Variants in MARCHF3 observed in about 807,000 individuals in gnomAD.
MARCHF3 encodes the protein membrane associated ring-CH-type finger 3.
Under a neutral mutation model 24.2 loss-of-function variants are expected in MARCHF3, and 13 were observed. The ratio of observed to expected loss-of-function variants is 0.54; its 90% CI spans 0.35 to 0.85. The LOEUF is 0.85. MARCHF3 is among the 40% of genes least tolerant of loss of function. The pLI is 0.01. For synonymous variants in MARCHF3, 144 were observed against 137.3 expected (o/e 1.05, Z -0.34); for missense variants, 276 against 325.0 (o/e 0.85, Z 1.16).
intron 3 of MARCHF3, among the ~76,000 whole-genome samples, chr5:126,912,720 T>C (rs1754581131): frequency 6.6e-6 from 1 of 152,264 alleles, no homozygotes; most frequent in Non-Finnish European, 1.5e-5. Context: ...GGTTCTCATT[T>C]GTCCTCCAGC....
At position 126,869,595 on chromosome 5, in the gene MARCHF3, T is replaced by G. The variant is rs951149277; in HGVS notation, c.*1038A>C. 6.9e-6 allele frequency: 1 copy of G among 145,858 alleles called. No individual in the cohort carries two copies. Among genetic ancestry groups the G allele is most frequent in the African/African-American group, 2.6e-5 (1 of 39,180 alleles). 9.0% of individuals were successfully genotyped at this position (145,858 alleles called of 1,614,324 possible). ...TGCTAGGACAGGCTTTTTTTTTTTT[T>G]TTTTTTTTTGCCACATCTACCTGTC... On this transcript the variant is annotated 3_prime_UTR_variant, in exon 5 of 5. Coordinates refer to ENST00000308660, the MANE Select transcript of MARCHF3 (RefSeq NM_178450.5).
chr5:126,986,176 G>C (rs142413761), intron 1 of MARCHF3, among the ~76,000 whole-genome samples: 2 of 152,194 alleles, frequency 1.3e-5, no homozygotes, highest in Non-Finnish European at 2.9e-5. Context: ...TCTTGAAACC[G>C]TAAGGAAAAT....
intron 3 of MARCHF3, among the ~76,000 whole-genome samples, chr5:126,898,636 C>G (rs73335467): frequency 6.0e-4 from 92 of 152,132 alleles, no homozygotes; most frequent in African/African-American, 2.1e-3. Flanking sequence ...TGCATATTTT[C>G]CCTTCATCTC....
intron 1 of MARCHF3, among the ~76,000 whole-genome samples, chr5:127,001,104 G>A (rs915503614): frequency 6.6e-6 from 1 of 151,848 alleles, no homozygotes; most frequent in African/African-American, 2.4e-5. Context: ...CGGGCATGCT[G>A]ACGCACGCCT....
intron 1 of MARCHF3, among the ~76,000 whole-genome samples, chr5:126,999,854 T>A (rs572146738): frequency 5.3e-5 from 8 of 152,230 alleles, no homozygotes; most frequent in South Asian, 2.1e-4. Context: ...AGCTACCCCA[T>A]TGAATCCATA....
In MARCHF3 at chr5:126,869,776, T is replaced by C. The variant is rs1332575306; in HGVS notation, c.*857A>G. 2 of 152,432 alleles carry C rather than the reference T, an allele frequency of 1.3e-5. No homozygotes were observed. The highest frequency in any genetic ancestry group is 2.9e-5 in the Non-Finnish European group (2 of 68,002). The allele number at this position is 152,432 out of a possible 1,614,324, so 9.4% of individuals were successfully genotyped here. On this transcript the variant is annotated 3_prime_UTR_variant, in exon 5 of 5. Coordinates refer to ENST00000308660, the MANE Select transcript of MARCHF3 (RefSeq NM_178450.5). Reference sequence around the variant, plus strand: ...GAGTGAGAACAGCAACCTTTTTGCTTTTCCTTTTTTTCCTTTTAAAACCTG... The same window carrying C: ...GAGTGAGAACAGCAACCTTTTTGCTCTTCCTTTTTTTCCTTTTAAAACCTG...
At chr5:126,924,455 G>A (rs1024063689) in intron 1 of MARCHF3, among the ~76,000 whole-genome samples, 1 of 152,198 alleles carries the variant, frequency 6.6e-6, no homozygotes, top group Admixed American at 6.5e-5. Context: ...TCCTCTCTGA[G>A]TTAGATCTTT....
At chr5:126,897,228 G>A (rs568854152) in intron 3 of MARCHF3, among the ~76,000 whole-genome samples, 13 of 151,674 alleles carry the variant, frequency 8.6e-5, no homozygotes, top group Admixed American at 4.6e-4. Flanking sequence ...TAGTAGAGAC[G>A]GAGTTTCTCC....
At chr5:126,951,442 C>T (rs1212765400) in intron 1 of MARCHF3, among the ~76,000 whole-genome samples, 2 of 152,166 alleles carry the variant, frequency 1.3e-5, no homozygotes, top group Admixed American at 1.3e-4. Context: ...TTAACATCTC[C>T]ATGTAGCCGA....
chr5:126,979,570 C>G (rs1006608043), intron 1 of MARCHF3, among the ~76,000 whole-genome samples: 3 of 152,190 alleles, frequency 2.0e-5, no homozygotes, highest in African/African-American at 7.2e-5. Flanking sequence ...GCAGCTGCAT[C>G]AGGAACTCAG....
intron 1 of MARCHF3, among the ~76,000 whole-genome samples, chr5:126,953,494 T>C (rs1750323261): frequency 6.6e-6 from 1 of 152,194 alleles, no homozygotes; most frequent in African/African-American, 2.4e-5. Context: ...TCCAAAAATC[T>C]TTATTCTGCT....
chr5:126,993,236 G>A (rs1251013536), intron 1 of MARCHF3, among the ~76,000 whole-genome samples: 1 of 152,132 alleles, frequency 6.6e-6, no homozygotes, highest in Non-Finnish European at 1.5e-5. Flanking sequence ...CCTGAGTTAG[G>A]GCTAAAGTTC....
intron 1 of MARCHF3, among the ~76,000 whole-genome samples, chr5:126,925,071 G>C (rs778616120): frequency 6.6e-6 from 1 of 152,110 alleles, no homozygotes; most frequent in Non-Finnish European, 1.5e-5. Context: ...TCTTTTTGTT[G>C]TCTCATTATT....
At chr5:126,969,733 G>C (rs1750936286) in intron 1 of MARCHF3, among the ~76,000 whole-genome samples, 2 of 152,206 alleles carry the variant, frequency 1.3e-5, no homozygotes, top group Admixed American at 1.3e-4. Context: ...ATCACCTGGA[G>C]AGTTTATAAA....
intron 1 of MARCHF3, among the ~76,000 whole-genome samples, chr5:126,996,920 C>G (rs1934976445): frequency 1.3e-5 from 2 of 152,048 alleles, no homozygotes. Flanking sequence ...TATATACAAA[C>G]TTCTAGGAGG....
intron 4 of MARCHF3, among the ~76,000 whole-genome samples, chr5:126,874,537 G>C (rs1203603524): frequency 6.6e-6 from 1 of 150,682 alleles, no homozygotes; most frequent in Non-Finnish European, 1.5e-5. Flanking sequence ...GGTGATCTCG[G>C]CTCACACCAC....
intron 1 of MARCHF3, among the ~76,000 whole-genome samples, chr5:126,981,721 C>CTTTTTTTTTTTTTTTTT (rs1561457954): frequency 6.6e-6 from 1 of 152,138 alleles, no homozygotes; most frequent in African/African-American, 2.4e-5. Flanking sequence ...ATTGTCCAAC[C>CTTTTTTTTTTTTTTTTT]TTTTTTCTTA....
intron 1 of MARCHF3, among the ~76,000 whole-genome samples, chr5:127,010,871 A>C (rs1209198040): frequency 6.6e-6 from 1 of 152,160 alleles, no homozygotes; most frequent in Non-Finnish European, 1.5e-5. Flanking sequence ...TCACAGAGAC[A>C]ACAAGGAGAA....
At chr5:126,930,952 T>C (rs1337704316) in intron 1 of MARCHF3, among the ~76,000 whole-genome samples, 1 of 152,232 alleles carries the variant, frequency 6.6e-6, no homozygotes, top group Admixed American at 6.5e-5. Flanking sequence ...GAAGATAATA[T>C]GCTGGCTCTG....
Sources: gnomAD v4.1 joint callset for allele counts (sites outside exome capture counted in the v4.1 genomes callset) on GRCh38, gnomAD v4.1.1 for gene constraint, MANE v1.5 for transcripts, NCBI Gene and HGNC (gene_info 2026-07-23, HGNC 2026-07-21) for gene names.